The following KCNK10 variants were observed in gnomAD, a reference collection of about 807,000 sequenced individuals.
KCNK10 encodes potassium two pore domain channel subfamily K member 10.
KCNK10 carries 25 observed loss-of-function variants against 47.7 expected under a neutral mutation model. The ratio of observed to expected loss-of-function variants is 0.52; its 90% CI spans 0.38 to 0.73. The LOEUF (loss-of-function observed/expected upper bound fraction) is 0.73. Among genes scored for constraint, KCNK10 ranks in the 30% least tolerant of loss-of-function variants. The pLI is 0.00. For synonymous variants in KCNK10, 303 were observed against 285.6 expected (o/e 1.06, Z -0.61); for missense variants, 563 against 714.5 (o/e 0.79, Z 2.42).
At chr14:88,209,710 C>T (rs1885395315) in intron 4 of KCNK10, among the ~76,000 whole-genome samples, 2 of 152,200 alleles carry the variant, frequency 1.3e-5, no homozygotes, top group South Asian at 4.2e-4. Flanking sequence ...CCTCCATGCC[C>T]ATTTCCAGGA....
chr14:88,262,905 T>A (rs1887151011), intron 2 of KCNK10, among the ~76,000 whole-genome samples: 1 of 151,866 alleles, frequency 6.6e-6, no homozygotes, highest in Non-Finnish European at 1.5e-5. Flanking sequence ...AATCAAGGAG[T>A]TAATCAGCAC....
At chr14:88,267,671 C>T (rs902928342) in intron 1 of KCNK10, among the ~76,000 whole-genome samples, 1 of 152,194 alleles carries the variant, frequency 6.6e-6, no homozygotes, top group Non-Finnish European at 1.5e-5. Flanking sequence ...CGCATCCAGC[C>T]AAGTTGGATA....
chr14:88,191,660 A>G (rs776662002), intron 5 of KCNK10, among the ~76,000 whole-genome samples: 1 of 152,048 alleles, frequency 6.6e-6, no homozygotes, highest in South Asian at 2.1e-4. Flanking sequence ...AAGGAAGGCT[A>G]TTGCTTGTAT....
Position 88,199,210 on chromosome 14 carries a change from G to A in KCNK10, c.682-6800C>T, listed in dbSNP as rs904991023. Among the ~76,000 whole-genome samples the A allele has an allele frequency of 2.8e-4, 43 of 152,194 alleles. 1 individual carries two copies. The highest frequency in any genetic ancestry group is 6.7e-4 in the African/African-American group (28 of 41,528). ...GCTGGGATTACAGGCGTGAGCCACC[G>A]TGCCCGGCCCATGATTTTTTTATTC... On this transcript the variant is annotated intron_variant, in intron 4 of 6. Coordinates refer to ENST00000319231, the MANE Select transcript of KCNK10 (RefSeq NM_138317.3).
intron 4 of KCNK10, among the ~76,000 whole-genome samples, chr14:88,206,103 G>A (rs183160092): frequency 6.6e-5 from 10 of 152,216 alleles, no homozygotes; most frequent in Admixed American, 6.5e-4. Flanking sequence ...ATACATCAAG[G>A]GAAGAGGCTT....
intron 4 of KCNK10, among the ~76,000 whole-genome samples, chr14:88,201,253 T>A (rs1291865637): frequency 6.6e-6 from 1 of 152,230 alleles, no homozygotes; most frequent in Non-Finnish European, 1.5e-5. Context: ...AATTGTGTGT[T>A]GTGGACAAAT....
At chr14:88,229,296 G>A (rs1886085026) in intron 3 of KCNK10, among the ~76,000 whole-genome samples, 2 of 152,060 alleles carry the variant, frequency 1.3e-5, no homozygotes, top group Admixed American at 6.5e-5. Context: ...AGGCACTGTG[G>A]CTTACCACGG....
At chr14:88,326,491 C>T, upstream of KCNK10, 23 of 1,572,234 alleles carry the variant, frequency 1.5e-5, no homozygotes, top group African/African-American at 4.1e-5. Flanking sequence ...TTCTGTCTCC[C>T]TCTGTGCCGC....
rs372974329 is a variant in KCNK10, at chr14:88,188,102, G to A, written c.876C>T (p.Asn292=). ...ACCACTCCCGATAATTGATGCCAGC[G>A]TTTCCCCCTGAAAACAACCAAATGT... is the stretch of plus-strand genomic sequence containing the variant. ...VGFGDFVAGG[N]AGINYREWYK... Residue 292 remains asparagine, a synonymous_variant, in exon 6 of 7, where the codon AAC becomes AAT. Coordinates refer to ENST00000319231, the MANE Select transcript of KCNK10 (RefSeq NM_138317.3). 5.3e-5 allele frequency: 85 copies of A among 1,614,036 alleles called. 1 individual carries two copies. Among genetic ancestry groups the A allele is most frequent in the Admixed American group, 4.3e-4 (26 of 59,988 alleles).
intron 1 of KCNK10, among the ~76,000 whole-genome samples, chr14:88,306,961 G>T (rs570051757): frequency 6.6e-6 from 1 of 152,284 alleles, no homozygotes; most frequent in Non-Finnish European, 1.5e-5. Flanking sequence ...CAAGGTAGAT[G>T]GAAAATATCA....
upstream of KCNK10, among the ~76,000 whole-genome samples, chr14:88,326,264 ACTC>A (rs1050920632): frequency 1.3e-5 from 2 of 148,554 alleles, no homozygotes; most frequent in African/African-American, 5.0e-5. Flanking sequence ...ATCAAACACA[ACTC>A]CTCCTCAACT....
At position 88,255,562 on chromosome 14, in the gene KCNK10, G is replaced by A. The variant is rs1179247875; in HGVS notation, c.402+7640C>T. Among the ~76,000 whole-genome samples the A allele has an allele frequency of 2.0e-5, 3 of 151,872 alleles. No individual in the cohort carries two copies. In the South Asian group the frequency reaches 6.3e-4, roughly 32 times the overall value. On this transcript the variant is annotated intron_variant, in intron 2 of 6. Coordinates refer to ENST00000319231, the MANE Select transcript of KCNK10 (RefSeq NM_138317.3). ...AAAAAAAAAATTAAAAATTAGCTGG[G>A]TCTGGTGGTATCCACCTGTAGTCCC...
chr14:88,259,351 G>T (rs1416066840), intron 2 of KCNK10, among the ~76,000 whole-genome samples: 1 of 152,232 alleles, frequency 6.6e-6, no homozygotes, highest in Non-Finnish European at 1.5e-5. Flanking sequence ...GGATGAATCT[G>T]TAAGTCATAG....
chr14:88,217,445 A>T (rs1423157046), intron 4 of KCNK10, among the ~76,000 whole-genome samples: 1 of 152,216 alleles, frequency 6.6e-6, no homozygotes, highest in Non-Finnish European at 1.5e-5. Flanking sequence ...CATTTTCATT[A>T]CCAATAGGTA....
At position 88,323,044 on chromosome 14, in the gene KCNK10, A is replaced by G. The variant is rs1206511902; in HGVS notation, c.-246T>C. 4 of 1,330,172 alleles carry G rather than the reference A, an allele frequency of 3.0e-6. No homozygotes were observed. The highest frequency in any genetic ancestry group is 3.9e-6 in the Non-Finnish European group (4 of 1,037,020). 82.4% of individuals were successfully genotyped at this position (1,330,172 alleles called of 1,614,324 possible). A position where few individuals can be genotyped will look rare whatever the true frequency, so the allele number is the denominator to read the frequency against. ...CCGGCCGCGGCCCCGTGGGTAAAAG[A>G]AAAAGTAAGATCGGCGAGGGGTGGA... On this transcript the variant is annotated 5_prime_UTR_variant, in exon 1 of 7. Coordinates refer to ENST00000319231, the MANE Select transcript of KCNK10 (RefSeq NM_138317.3).
At chr14:88,210,167 G>C (rs1167019930) in intron 4 of KCNK10, among the ~76,000 whole-genome samples, 2 of 152,142 alleles carry the variant, frequency 1.3e-5, no homozygotes, top group African/African-American at 4.8e-5. Flanking sequence ...TTTCAAATAA[G>C]AAAACTGAGG....
At chr14:88,197,530 C>A (rs1884952759) in intron 4 of KCNK10, among the ~76,000 whole-genome samples, 1 of 121,498 alleles carries the variant, frequency 8.2e-6, no homozygotes, top group Non-Finnish European at 1.6e-5. Flanking sequence ...GCCAAGATTG[C>A]ACCACTGCAC....
At chr14:88,272,212 T>C (rs769452133) in intron 1 of KCNK10, among the ~76,000 whole-genome samples, 5 of 152,190 alleles carry the variant, frequency 3.3e-5, no homozygotes, top group Non-Finnish European at 7.3e-5. Context: ...TGTTGCTCAA[T>C]GCCTTGTTCA....
At chr14:88,187,626 C>CACCT (rs11435414) in intron 6 of KCNK10, among the ~76,000 whole-genome samples, 4 of 141,038 alleles carry the variant, frequency 2.8e-5, no homozygotes, top group Non-Finnish European at 4.5e-5. Flanking sequence ...ACAGGCTGCA[C>CACCT]CCCCCCACAC....
Sources: allele counts gnomAD v4.1 joint callset (sites outside exome capture counted in the v4.1 genomes callset), GRCh38; gene constraint gnomAD v4.1.1; transcripts MANE v1.5; gene names NCBI Gene and HGNC (gene_info 2026-07-23, HGNC 2026-07-21).